Variants in MGAT4C observed in about 807,000 individuals in gnomAD.
MGAT4C encodes the protein MGAT4 family member C, also known as alpha-1,3-mannosyl-glycoprotein 4-beta-N-acetylglucosaminyltransferase C.
Under a neutral mutation model 40.1 loss-of-function variants are expected in MGAT4C, and 19 were observed. The ratio of observed to expected loss-of-function variants is 0.47; its 90% confidence interval spans 0.33 to 0.70. The LOEUF is 0.70. Among genes scored for constraint, MGAT4C ranks in the 30% least tolerant of loss-of-function variants. The probability of loss-of-function intolerance (pLI) is 0.02; values close to 1 mark genes in which losing one functional copy is unlikely to be tolerated. For missense variants in MGAT4C, 491 were observed against 563.2 expected (o/e 0.87, Z 1.30); for synonymous variants, 181 against 187.1 (o/e 0.97, Z 0.27).
chr12:86,717,139 T>A (rs891633635), intron 2 of MGAT4C, among the ~76,000 whole-genome samples: 8 of 151,312 alleles, frequency 5.3e-5, no homozygotes, highest in African/African-American at 1.9e-4. Flanking sequence ...ACAATTTTTT[T>A]AAAAAACAGA....
intron 4 of MGAT4C, among the ~76,000 whole-genome samples, chr12:86,304,171 G>C (rs551255384): frequency 6.6e-6 from 1 of 150,668 alleles, no homozygotes; most frequent in Non-Finnish European, 1.5e-5. Context: ...ATTTGAGGCT[G>C]TATTATATCA....
chr12:86,805,953 A>G (rs1201176697), intron 1 of MGAT4C, among the ~76,000 whole-genome samples: 1 of 151,696 alleles, frequency 6.6e-6, no homozygotes, highest in Non-Finnish European at 1.5e-5. Flanking sequence ...TTTGATTTGC[A>G]TTCTCTGATG....
rs145431158 is a variant in MGAT4C, at chr12:85,961,223, A to G, written c.*18066T>C. 6.1e-4 allele frequency: 92 copies of G among 151,996 alleles called. No homozygotes were observed. Among genetic ancestry groups the G allele is most frequent in the African/African-American group, 2.1e-3 (88 of 41,562 alleles). The allele number at this position is 151,996 out of a possible 1,614,324, so 9.4% of individuals were successfully genotyped here. On this transcript the variant is annotated 3_prime_UTR_variant, in exon 5 of 5. Transcript: ENST00000611864. Reference sequence around the variant, plus strand: ...AGTCATTCTTGAGACTGTCAACTCTATGGGCATTGTTTAGCAGCCTCGAAA... The same window carrying G: ...AGTCATTCTTGAGACTGTCAACTCTGTGGGCATTGTTTAGCAGCCTCGAAA...
Position 85,972,581 on chromosome 12 carries a change from G to T in MGAT4C, c.*6708C>A, listed in dbSNP as rs1883678276. The T allele has an allele frequency of 6.6e-6, 1 of 150,924 alleles. No homozygotes were observed. Among genetic ancestry groups the T allele is most frequent in the African/African-American group, 2.4e-5 (1 of 41,274 alleles). 9.3% of individuals were successfully genotyped at this position (150,924 alleles called of 1,614,324 possible). A position where few individuals can be genotyped will look rare whatever the true frequency, so the allele number is the denominator to read the frequency against. On this transcript the variant is annotated 3_prime_UTR_variant, in exon 5 of 5. Transcript: ENST00000611864. ...ACATTACCGAGTTTATTTTCTAAGG[G>T]TAGTGAATAACTCCTGACAACTACT...
At chr12:86,345,374 A>G (rs569563821) in intron 3 of MGAT4C, among the ~76,000 whole-genome samples, 4 of 152,014 alleles carry the variant, frequency 2.6e-5, no homozygotes, top group East Asian at 3.9e-4. Context: ...TGCTGTACCC[A>G]TTAACTCGTC....
intron 1 of MGAT4C, among the ~76,000 whole-genome samples, chr12:86,052,727 G>A (rs7979733): frequency 0.8 from 121,715 of 151,780 alleles, 49,491 homozygotes; most frequent in East Asian, 0.97. Context: ...CCTTTATATA[G>A]TTCTTGATGG....
intron 1 of MGAT4C, among the ~76,000 whole-genome samples, chr12:86,110,534 T>C (rs1877195702): frequency 3.3e-5 from 5 of 150,608 alleles, no homozygotes; most frequent in Admixed American, 2.0e-4. Context: ...ATTAAGTAAT[T>C]TTAAAGTTCT....
intron 2 of MGAT4C, among the ~76,000 whole-genome samples, chr12:86,681,836 C>T (rs1023896101): frequency 6.6e-6 from 1 of 152,000 alleles, no homozygotes; most frequent in Non-Finnish European, 1.5e-5. Context: ...GAAGTAAAAG[C>T]TAATTTCTGA....
chr12:86,170,447 A>T (rs1165225361), intron 1 of MGAT4C, among the ~76,000 whole-genome samples: 3 of 152,160 alleles, frequency 2.0e-5, no homozygotes, highest in African/African-American at 7.2e-5. Context: ...GTTAATGTTA[A>T]TTCTTTTAGC....
intron 1 of MGAT4C, among the ~76,000 whole-genome samples, chr12:86,186,909 C>G (rs565614173): frequency 2.9e-3 from 444 of 152,196 alleles, no homozygotes; most frequent in Non-Finnish European, 5.1e-3. Context: ...AAAAGGGAAG[C>G]TCAGCAAACC....
chr12:86,412,563 A>G (rs988758752), intron 3 of MGAT4C, among the ~76,000 whole-genome samples: 2 of 152,166 alleles, frequency 1.3e-5, no homozygotes, highest in African/African-American at 4.8e-5. Context: ...TATTTAACCA[A>G]TGCCTGTACC....
intron 2 of MGAT4C, among the ~76,000 whole-genome samples, chr12:86,697,511 AAATTT>A (rs1950279591): frequency 6.6e-6 from 1 of 152,068 alleles, no homozygotes; most frequent in African/African-American, 2.4e-5. Flanking sequence ...AATCAGAATA[AAATTT>A]ATCCAAGGTG....
chr12:86,583,457 CCT>C (rs1193722696), intron 2 of MGAT4C, among the ~76,000 whole-genome samples: 1 of 151,246 alleles, frequency 6.6e-6, no homozygotes, highest in Non-Finnish European at 1.5e-5. Context: ...CTTTATTTTT[CCT>C]CTCTATATTT....
intron 1 of MGAT4C, among the ~76,000 whole-genome samples, chr12:86,137,452 T>C (rs1197071261): frequency 6.6e-6 from 1 of 152,196 alleles, no homozygotes; most frequent in Non-Finnish European, 1.5e-5. Context: ...GTCAGGCTCC[T>C]TCTTAAAACC....
intron 4 of MGAT4C, among the ~76,000 whole-genome samples, chr12:86,300,427 T>C (rs942423912): frequency 2.0e-5 from 3 of 152,236 alleles, no homozygotes; most frequent in Non-Finnish European, 4.4e-5. Flanking sequence ...TACATGGCCA[T>C]TCAAATCAGT....
intron 2 of MGAT4C, among the ~76,000 whole-genome samples, chr12:86,020,368 G>A (rs1169883902): frequency 2.0e-5 from 3 of 152,170 alleles, no homozygotes; most frequent in Non-Finnish European, 2.9e-5. Flanking sequence ...AAACAGCATG[G>A]TACTGGTACC....
chr12:86,687,080 A>T (rs1164513595), intron 2 of MGAT4C, among the ~76,000 whole-genome samples: 1 of 152,162 alleles, frequency 6.6e-6, no homozygotes, highest in Non-Finnish European at 1.5e-5. Context: ...TGGATGATGC[A>T]TGTGTCCAGG....
chr12:86,090,402 C>T (rs1157027542), intron 1 of MGAT4C, among the ~76,000 whole-genome samples: 2 of 151,620 alleles, frequency 1.3e-5, no homozygotes, highest in East Asian at 1.9e-4. Context: ...AGCAGGTCTT[C>T]TAGTAATTAT....
intron 2 of MGAT4C, among the ~76,000 whole-genome samples, chr12:86,639,675 G>A (rs924984534): frequency 2.0e-5 from 3 of 151,614 alleles, no homozygotes; most frequent in African/African-American, 4.8e-5. Context: ...CTGGCATAAT[G>A]GTTGCTCATA....
Sources: gnomAD v4.1 joint callset for allele counts (sites outside exome capture counted in the v4.1 genomes callset) on GRCh38, gnomAD v4.1.1 for gene constraint, MANE v1.5 for transcripts, NCBI Gene and HGNC (gene_info 2026-07-23, HGNC 2026-07-21) for gene names.